WT1: variants seen among roughly 807,000 people sequenced by gnomAD.
The protein encoded by WT1 is WT1 transcription factor, also known as Wilms tumor protein.
WT1 carries 8 observed loss-of-function variants against 60.8 expected under a neutral mutation model. The observed-to-expected ratio is 0.13, with a 90% CI of 0.08 to 0.24. The LOEUF is 0.24. Ranked by LOEUF, WT1 falls within the 10% of genes least tolerant of loss-of-function variation. The probability of loss-of-function intolerance (pLI) is 1.00; values close to 1 mark genes in which losing one functional copy is unlikely to be tolerated. For missense variants in WT1, 568 were observed against 711.8 expected, an observed-to-expected ratio of 0.80 and a Z score of 2.30; for synonymous variants, 312 against 297.1, an observed-to-expected ratio of 1.05 and a Z score of -0.52.
At chr11:32,420,718 G>A (rs999251326) in intron 3 of WT1, among the ~76,000 whole-genome samples, 3 of 152,128 alleles carry the variant, frequency 2.0e-5, no homozygotes, top group Non-Finnish European at 4.4e-5. Context: ...ACAAGAGTCT[G>A]GAGGTGAAAG....
rs1341675324 is a variant in WT1 at position 32,435,164 on chromosome 11, G to A, written c.197C>T (p.Ala66Val). Residue 66 changes from alanine (A) to valine (V), a missense_variant, in exon 1 of 10, where the codon GCG (alanine) becomes GTG (valine). This residue lies in a region of WT1 where 523 missense variants were observed against 565.1 expected (regional missense o/e 0.93). Coordinates refer to ENST00000452863, the MANE Select transcript of WT1 (RefSeq NM_024426.6). Reference sequence around the variant, plus strand: ...CATTTGCTGCGGCTCAGACCCGGACGCCCCGCGGCTCCTCCGGCCCTGGAG... The same window carrying A: ...CATTTGCTGCGGCTCAGACCCGGACACCCCGCGGCTCCTCCGGCCCTGGAG... 2.0e-6 allele frequency: 3 copies of A among 1,520,518 alleles called. No individual in the cohort carries two copies. Among genetic ancestry groups the A allele is most frequent in the South Asian group, 1.2e-5 (1 of 82,802 alleles). 94.2% of individuals were successfully genotyped at this position (1,520,518 alleles called of 1,614,324 possible).
At position 32,435,508 on chromosome 11, in the gene WT1, G is replaced by T; in HGVS notation, c.-148C>A. The T allele has an allele frequency of 7.7e-7, 1 of 1,303,922 alleles. No homozygotes were observed. Among genetic ancestry groups the T allele is most frequent in the Non-Finnish European group, 1.0e-6 (1 of 961,212 alleles). 80.8% of individuals were successfully genotyped at this position (1,303,922 alleles called of 1,614,324 possible). A position where few individuals can be genotyped will look rare whatever the true frequency, so the allele number is the denominator to read the frequency against. ...GGTTGCGGAGAGCCCCCGGGTGTGG[G>T]CGCTGCCTTGAACTCCTTACCCCAG... On this transcript the variant is annotated 5_prime_UTR_variant, in exon 1 of 10. Transcript: ENST00000452863.
chr11:32,428,013 G>A lies in WT1; in HGVS notation c.830C>T (p.Thr277Ile), dbSNP rs138073760. The A allele has an allele frequency of 8.1e-6, 13 of 1,611,318 alleles. No individual in the cohort carries two copies. Among genetic ancestry groups the A allele is most frequent in the African/African-American group, 8.0e-5 (6 of 74,910 alleles). ...GCTGCCGGTGCAGCTGTCGGTGGGGGTGTGGCAGCCATAGACCGGGGGCGG... is the reference window on the plus strand; with the variant it reads ...GCTGCCGGTGCAGCTGTCGGTGGGGATGTGGCAGCCATAGACCGGGGGCGG... Residue 277 changes from threonine (T) to isoleucine (I), a missense_variant, in exon 3 of 10, where the codon ACC (threonine) becomes ATC (isoleucine). By Grantham distance (89) the Thr-to-Ile change is moderately conservative. Transcript: ENST00000452863.
chr11:32,411,320 T>C (rs928757999), intron 5 of WT1, among the ~76,000 whole-genome samples: 6 of 152,234 alleles, frequency 3.9e-5, no homozygotes, highest in African/African-American at 1.4e-4. Context: ...TGGAGGTAAG[T>C]CTGCAGAGCC....
chr11:32,435,257 T>C lies in WT1; in HGVS notation c.104A>G (p.Gln35Arg). 2 of 1,535,410 alleles carry C rather than the reference T, an allele frequency of 1.3e-6. No individual in the cohort carries two copies. Among genetic ancestry groups the C allele is most frequent in the Non-Finnish European group, 1.7e-6 (2 of 1,147,140 alleles). ...GCCGCCCGGGTCCCGGACTCCCTGC[T>C]GCTCTGGCTGCTGTAGGCACCCAGG... Residue 35 changes from glutamine to arginine, a missense_variant, in exon 1 of 10, where the codon CAG becomes CGG. Physicochemically the swap from Gln to Arg is conservative, Grantham distance 43. Coordinates refer to ENST00000452863, the MANE Select transcript of WT1 (RefSeq NM_024426.6).
At chr11:32,425,815 G>A (rs1399190062) in intron 3 of WT1, among the ~76,000 whole-genome samples, 2 of 152,166 alleles carry the variant, frequency 1.3e-5, no homozygotes, top group African/African-American at 4.8e-5. Flanking sequence ...TATAAAGAAA[G>A]AAGATAGAAA....
intron 5 of WT1, among the ~76,000 whole-genome samples, chr11:32,403,733 C>A (rs113073018): frequency 1.1e-4 from 16 of 151,994 alleles, no homozygotes; most frequent in African/African-American, 3.9e-4. Flanking sequence ...CGCCACCACG[C>A]CCGGCTAATT....
chr11:32,424,184 A>G (rs1222827525), intron 3 of WT1, among the ~76,000 whole-genome samples: 2 of 142,776 alleles, frequency 1.4e-5, no homozygotes, highest in African/African-American at 5.2e-5. Flanking sequence ...AAAAAAAGTG[A>G]TACATTGCCT....
intron 5 of WT1, among the ~76,000 whole-genome samples, chr11:32,403,777 G>A (rs1006721845): frequency 2.6e-5 from 4 of 151,688 alleles, no homozygotes; most frequent in Non-Finnish European, 5.9e-5. Context: ...GGGTTTCAAC[G>A]TGTTGCAGGA....
Position 32,435,043 on chromosome 11 carries a change from C to A in WT1, c.318G>T (p.Gln106His). 6.9e-7 allele frequency: 1 copy of A among 1,458,592 alleles called. No homozygotes were observed. 90.4% of individuals were successfully genotyped at this position (1,458,592 alleles called of 1,614,324 possible). ...GCGCAAAGTCCAGCACCGGCGCCCA[C>A]TGCGCCGCGCCGCTCACAGGCAGGG... The change falls in exon 1 of 10, where the codon CAG becomes CAT. Residue 106 changes from glutamine (Q) to histidine (H), a missense_variant. By Grantham distance (24) the Gln-to-His change is conservative. This residue lies in a region of WT1 where 523 missense variants were observed against 565.1 expected (regional missense o/e 0.93). Coordinates refer to ENST00000452863, the MANE Select transcript of WT1 (RefSeq NM_024426.6).
rs948246097 is a variant in WT1 at position 32,402,376 on chromosome 11, G to A, written c.1017-2332C>T. 3.9e-5 allele frequency among the ~76,000 whole-genome samples: 6 copies of A among 152,292 alleles called. No homozygotes were observed. The Middle Eastern group carries it at 0.01, about 259-fold the overall frequency. ...TGTCTGCCTTCCTTTCAATTACTTG[G>A]TACAGACAGTGGGAAAGTGAGAGGT... On this transcript the variant is annotated intron_variant, in intron 5 of 9. Transcript: ENST00000452863.
At chr11:32,426,869 G>C (rs568326703) in intron 3 of WT1, among the ~76,000 whole-genome samples, 1 of 152,072 alleles carries the variant, frequency 6.6e-6, no homozygotes, top group Non-Finnish European at 1.5e-5. Flanking sequence ...GCTCCGGATC[G>C]AGGACTCCCG....
chr11:32,428,366 G>A (rs1853134611), intron 2 of WT1, 131 bp downstream of exon 2: 5 of 1,471,428 alleles, frequency 3.4e-6, no homozygotes, highest in Non-Finnish European at 4.6e-6. Context: ...CAGTGCCATT[G>A]GGGTAATGAT....
chr11:32,398,285 T>C (rs947935259), intron 6 of WT1, among the ~76,000 whole-genome samples: 7 of 152,198 alleles, frequency 4.6e-5, no homozygotes, highest in Non-Finnish European at 1.0e-4. Flanking sequence ...TCTAGAGTAC[T>C]GACCATTCTG....
intron 1 of WT1, among the ~76,000 whole-genome samples, chr11:32,429,473 C>CT (rs1491387440): frequency 1.0e-4 from 15 of 146,160 alleles, no homozygotes; most frequent in Non-Finnish European, 2.0e-4. Context: ...CCCCCCCCCC[C>CT]CCAAAGTGAG....
At chr11:32,411,184 T>A (rs1445460606) in intron 5 of WT1, among the ~76,000 whole-genome samples, 1 of 152,142 alleles carries the variant, frequency 6.6e-6, no homozygotes, top group Non-Finnish European at 1.5e-5. Flanking sequence ...CATCCCAACC[T>A]TTCTTTCCTA....
intron 5 of WT1, among the ~76,000 whole-genome samples, chr11:32,409,488 G>A (rs1203818277): frequency 6.6e-6 from 1 of 151,898 alleles, no homozygotes; most frequent in Non-Finnish European, 1.5e-5. Flanking sequence ...TTAGAGAGAT[G>A]GTCTCTGTTG....
At chr11:32,398,800 C>T (rs1286649221) in intron 6 of WT1, among the ~76,000 whole-genome samples, 1 of 150,520 alleles carries the variant, frequency 6.6e-6, no homozygotes, top group Non-Finnish European at 1.5e-5. Flanking sequence ...ATGCATATTG[C>T]TAAGAGAAAG....
intron 6 of WT1, among the ~76,000 whole-genome samples, chr11:32,398,114 C>T (rs1022937310): frequency 1.3e-5 from 2 of 152,122 alleles, no homozygotes; most frequent in Admixed American, 1.3e-4. Flanking sequence ...GTCAGATTTC[C>T]GTATTTCTGT....
Sources: gnomAD v4.1 joint callset for allele counts (sites outside exome capture counted in the v4.1 genomes callset) on GRCh38, gnomAD v4.1.1 for gene constraint, gnomAD v4.1.1 regional missense constraint, MANE v1.5 for transcripts, NCBI Gene and HGNC (gene_info 2026-07-23, HGNC 2026-07-21) for gene names.